Variants in MLLT3 observed in about 807,000 individuals in gnomAD.
MLLT3 encodes protein AF-9.
MLLT3 carries 4 observed loss-of-function variants against 53.2 expected under a neutral mutation model. That is an observed-to-expected ratio of 0.08 (90% CI 0.04 to 0.17). MLLT3 has a LOEUF of 0.17. Ranked by LOEUF, MLLT3 falls within the 10% of genes least tolerant of loss-of-function variation. The probability of loss-of-function intolerance (pLI) is 1.00; values close to 1 mark genes in which losing one functional copy is unlikely to be tolerated. For synonymous variants in MLLT3, 283 were observed against 230.6 expected (o/e 1.23, Z -2.06); for missense variants, 569 against 684.0 (o/e 0.83, Z 1.87).
intron 2 of MLLT3, among the ~76,000 whole-genome samples, chr9:20,606,080 T>C (rs1563840903): frequency 6.6e-6 from 1 of 152,160 alleles, no homozygotes; most frequent in African/African-American, 2.4e-5. Context: ...TTGCAAGTAA[T>C]TAATGACGAG....
chr9:20,519,936 T>C (rs554120127), intron 2 of MLLT3, among the ~76,000 whole-genome samples: 1 of 152,274 alleles, frequency 6.6e-6, no homozygotes, highest in Non-Finnish European at 1.5e-5. Flanking sequence ...AGCAACGACA[T>C]GGAATCAACC....
intron 5 of MLLT3, among the ~76,000 whole-genome samples, chr9:20,386,844 G>C (rs1251850153): frequency 6.6e-6 from 1 of 152,076 alleles, no homozygotes; most frequent in Non-Finnish European, 1.5e-5. Flanking sequence ...ATAAGTTATA[G>C]GCCTGCTATT....
chr9:20,499,550 G>C (rs1160727532), intron 2 of MLLT3, among the ~76,000 whole-genome samples: 1 of 152,080 alleles, frequency 6.6e-6, no homozygotes, highest in Non-Finnish European at 1.5e-5. Flanking sequence ...CCTTGAAACA[G>C]TCCATTTTTG....
chr9:20,375,861 G>T (rs538109623), intron 5 of MLLT3, among the ~76,000 whole-genome samples: 1 of 152,150 alleles, frequency 6.6e-6, no homozygotes, highest in East Asian at 1.9e-4. Flanking sequence ...GCCCGCCTCA[G>T]CCTCCCAAAG....
chr9:20,606,867 CAAG>C (rs1344186809), intron 2 of MLLT3, among the ~76,000 whole-genome samples: 12 of 152,204 alleles, frequency 7.9e-5, no homozygotes, highest in Non-Finnish European at 1.5e-4. Flanking sequence ...TATTGAATTT[CAAG>C]ATTATTCTTT....
intron 2 of MLLT3, among the ~76,000 whole-genome samples, chr9:20,510,612 A>AG (rs1489697563): frequency 2.8e-4 from 9 of 31,598 alleles, no homozygotes; most frequent in African/African-American, 1.4e-3. Context: ...ACTCCATCTC[A>AG]GAAAAAAAAA....
chr9:20,556,391 AGTG>A (rs1819057970), intron 2 of MLLT3, among the ~76,000 whole-genome samples: 1 of 152,174 alleles, frequency 6.6e-6, no homozygotes, highest in Non-Finnish European at 1.5e-5. Flanking sequence ...TAGAATAAAA[AGTG>A]GGGGAGAAGG....
chr9:20,597,001 C>T (rs1163041881), intron 2 of MLLT3, among the ~76,000 whole-genome samples: 1 of 152,144 alleles, frequency 6.6e-6, no homozygotes, highest in African/African-American at 2.4e-5. Context: ...ACAAATTTCA[C>T]ATCTGTTTTG....
At chr9:20,456,639 T>C in intron 3 of MLLT3, 65 bp downstream of exon 3, 1 of 1,151,764 alleles carries the variant, frequency 8.7e-7, no homozygotes, top group South Asian at 1.3e-5. Flanking sequence ...GTCAAAATTA[T>C]TTTAAACATC....
chr9:20,387,718 A>G (rs1357085192), intron 5 of MLLT3, among the ~76,000 whole-genome samples: 2 of 152,234 alleles, frequency 1.3e-5, no homozygotes, highest in Non-Finnish European at 2.9e-5. Flanking sequence ...AATATAATAA[A>G]TTACTCTCTA....
At chr9:20,391,224 T>C (rs1391077002) in intron 5 of MLLT3, among the ~76,000 whole-genome samples, 1 of 152,156 alleles carries the variant, frequency 6.6e-6, no homozygotes, top group Non-Finnish European at 1.5e-5. Context: ...CAATCAATCA[T>C]TTTGTAGGAA....
chr9:20,378,751 A>G (rs911499021), intron 5 of MLLT3, among the ~76,000 whole-genome samples: 1 of 152,216 alleles, frequency 6.6e-6, no homozygotes, highest in Admixed American at 6.5e-5. Context: ...GTTTGTAAAA[A>G]TATATCTATT....
intron 2 of MLLT3, among the ~76,000 whole-genome samples, chr9:20,594,267 T>G (rs568033802): frequency 6.6e-6 from 1 of 152,256 alleles, no homozygotes; most frequent in South Asian, 2.1e-4. Context: ...AAACATTTAT[T>G]AATCTTCTAG....
At chr9:20,508,549 G>A (rs897345787) in intron 2 of MLLT3, among the ~76,000 whole-genome samples, 3 of 152,102 alleles carry the variant, frequency 2.0e-5, no homozygotes, top group Non-Finnish European at 2.9e-5. Context: ...GAATGAAGAA[G>A]ACAAAAGATT....
intron 2 of MLLT3, among the ~76,000 whole-genome samples, chr9:20,604,169 T>A (rs1045506215): frequency 6.6e-6 from 1 of 152,030 alleles, no homozygotes; most frequent in Non-Finnish European, 1.5e-5. Context: ...GCAAACACAT[T>A]ATACAGAAGG....
chr9:20,449,499 T>C (rs1274947649), intron 3 of MLLT3, among the ~76,000 whole-genome samples: 1 of 152,212 alleles, frequency 6.6e-6, no homozygotes, highest in East Asian at 1.9e-4. Context: ...CTCAAGATAA[T>C]AATGACATCT....
intron 2 of MLLT3, among the ~76,000 whole-genome samples, chr9:20,469,066 T>G (rs1287113326): frequency 6.6e-6 from 1 of 152,164 alleles, no homozygotes; most frequent in South Asian, 2.1e-4. Context: ...AAAGGAATAC[T>G]AAATATTGCC....
chr9:20,529,976 T>C (rs1818290979), intron 2 of MLLT3, among the ~76,000 whole-genome samples: 1 of 152,146 alleles, frequency 6.6e-6, no homozygotes, highest in East Asian at 1.9e-4. Context: ...TTACCTAGGA[T>C]TGTTTACCAC....
rs1166953985 is a variant in MLLT3 at position 20,610,750 on chromosome 9, G to GT, written c.193+9903_193+9904insA. On this transcript the variant is annotated intron_variant, in intron 2 of 10. Transcript: ENST00000380338. The stretch of plus-strand genomic sequence containing the variant: ...AAAGAGAAGGGAGTGTTGGTCTAAT[G>GT]AAAGCATGTAACACATAACACGTGC... Among the ~76,000 whole-genome samples the GT allele has an allele frequency of 2.0e-5, 3 of 152,220 alleles. No individual in the cohort carries two copies. In the East Asian group the frequency reaches 5.8e-4, roughly 29 times the overall value.
Sources: gnomAD v4.1 joint callset for allele counts (sites outside exome capture counted in the v4.1 genomes callset) on GRCh38, gnomAD v4.1.1 for gene constraint, MANE v1.5 for transcripts, NCBI Gene and HGNC (gene_info 2026-07-23, HGNC 2026-07-21) for gene names.